The following LDLRAD3 variants were observed in gnomAD, a reference collection of about 807,000 sequenced individuals.
LDLRAD3 encodes the protein low-density lipoprotein receptor class A domain-containing protein 3.
Under a neutral mutation model 29.4 loss-of-function variants are expected in LDLRAD3, and 20 were observed. The ratio of observed to expected loss-of-function variants is 0.68; its 90% CI spans 0.48 to 0.99. LDLRAD3 has a LOEUF of 0.99. LDLRAD3 is among the 50% of genes least tolerant of loss of function. LDLRAD3 has a pLI of 0.00. For synonymous variants in LDLRAD3, 157 were observed against 192.7 expected (o/e 0.81, Z 1.53); for missense variants, 420 against 454.3 (o/e 0.92, Z 0.69).
Position 36,084,292 on chromosome 11 carries a change from C to T in LDLRAD3, c.319+2514C>T, listed in dbSNP as rs1853163857. Among the ~76,000 whole-genome samples, 3 of 152,226 alleles carry T rather than the reference C, an allele frequency of 2.0e-5. No individual in the cohort carries two copies. The South Asian group carries it at 6.2e-4, about 32-fold the overall frequency. On this transcript the variant is annotated intron_variant, in intron 3 of 5. Transcript: ENST00000315571. ...ACTATGCCAATGAGGATTAAGCCAG[C>T]ATCTTCCTCTGACATAGCTACCATT...
chr11:35,984,830 A>C (rs926947733), intron 1 of LDLRAD3, among the ~76,000 whole-genome samples: 14 of 151,534 alleles, frequency 9.2e-5, no homozygotes, highest in African/African-American at 3.4e-4. Flanking sequence ...GGGTTTCTCC[A>C]TGTTGGTCAG....
chr11:36,043,256 G>A (rs914691272), intron 2 of LDLRAD3, among the ~76,000 whole-genome samples: 1 of 152,238 alleles, frequency 6.6e-6, no homozygotes, highest in Non-Finnish European at 1.5e-5. Flanking sequence ...AGGTTGCAGT[G>A]AGCTGAGATT....
chr11:36,069,006 C>T (rs1852847165), intron 2 of LDLRAD3, among the ~76,000 whole-genome samples: 1 of 152,212 alleles, frequency 6.6e-6, no homozygotes, highest in African/African-American at 2.4e-5. Context: ...GTCTGTTGCT[C>T]TTTCACTCCC....
intron 2 of LDLRAD3, among the ~76,000 whole-genome samples, chr11:36,036,460 A>G (rs1023558333): frequency 2.0e-5 from 3 of 152,070 alleles, no homozygotes; most frequent in African/African-American, 7.2e-5. Context: ...GGTGGAGCCA[A>G]CGCTTTGAGA....
intron 2 of LDLRAD3, among the ~76,000 whole-genome samples, chr11:36,058,295 TCA>T: frequency 6.6e-6 from 1 of 152,274 alleles, no homozygotes; most frequent in African/African-American, 2.4e-5. Flanking sequence ...ACTGGAGCAC[TCA>T]CACCACTTCC....
At chr11:36,032,381 T>C (rs1852246330) in intron 1 of LDLRAD3, among the ~76,000 whole-genome samples, 1 of 152,154 alleles carries the variant, frequency 6.6e-6, no homozygotes, top group Admixed American at 6.5e-5. Context: ...CATGCTGGGC[T>C]TTGTAAACTA....
At chr11:36,100,278 C>G (rs930107594) in intron 4 of LDLRAD3, among the ~76,000 whole-genome samples, 1 of 152,182 alleles carries the variant, frequency 6.6e-6, no homozygotes, top group African/African-American at 2.4e-5. Flanking sequence ...TGACTGAACG[C>G]AACGTATTGC....
chr11:35,992,593 A>G (rs1851703963), intron 1 of LDLRAD3, among the ~76,000 whole-genome samples: 1 of 152,246 alleles, frequency 6.6e-6, no homozygotes, highest in African/African-American at 2.4e-5. Flanking sequence ...GAAGCCAGTT[A>G]CAAAAGACCA....
At chr11:35,949,477 C>T (rs991073032) in intron 1 of LDLRAD3, among the ~76,000 whole-genome samples, 1 of 152,088 alleles carries the variant, frequency 6.6e-6, no homozygotes, top group Non-Finnish European at 1.5e-5. Context: ...TTCTTCTGGG[C>T]TCCCCTTTCC....
At chr11:35,975,979 C>A (rs1851470506) in intron 1 of LDLRAD3, among the ~76,000 whole-genome samples, 1 of 151,862 alleles carries the variant, frequency 6.6e-6, no homozygotes. Flanking sequence ...ATAGAAGATA[C>A]CCTGGGCAGG....
intron 2 of LDLRAD3, among the ~76,000 whole-genome samples, chr11:36,065,701 C>T (rs1852779651): frequency 6.6e-6 from 1 of 152,222 alleles, no homozygotes; most frequent in South Asian, 2.1e-4. Context: ...CCTGTTGACA[C>T]ACTCACCTCT....
At chr11:36,111,844 G>A (rs982640506) in intron 4 of LDLRAD3, among the ~76,000 whole-genome samples, 4 of 152,148 alleles carry the variant, frequency 2.6e-5, no homozygotes, top group African/African-American at 9.7e-5. Flanking sequence ...TGATCCACCT[G>A]CCTCGGCCTC....
chr11:36,148,593 G>A (rs916809151), intron 4 of LDLRAD3, among the ~76,000 whole-genome samples: 35 of 152,264 alleles, frequency 2.3e-4, no homozygotes, highest in African/African-American at 7.9e-4. Context: ...GGAGGTTTGG[G>A]TGGGAATCTG....
chr11:36,193,911 A>G (rs1197355460), intron 4 of LDLRAD3, among the ~76,000 whole-genome samples: 1 of 152,064 alleles, frequency 6.6e-6, no homozygotes, highest in African/African-American at 2.4e-5. Context: ...TGGGAATGTT[A>G]TTTTACTTCT....
rs569408033 is a variant in LDLRAD3 at position 35,958,274 on chromosome 11, C to T, written c.46+14130C>T. On this transcript the variant is annotated intron_variant, in intron 1 of 5. Coordinates refer to ENST00000315571, the MANE Select transcript of LDLRAD3 (RefSeq NM_174902.4). Reference sequence around the variant, plus strand: ...CCATGTGGCTGATGGGATTGGATAGCACAGACACAGAGCATTTCTGTCATT... The same window carrying T: ...CCATGTGGCTGATGGGATTGGATAGTACAGACACAGAGCATTTCTGTCATT... 4.6e-5 allele frequency among the ~76,000 whole-genome samples: 7 copies of T among 152,250 alleles called. No individual in the cohort carries two copies. In the South Asian group the frequency reaches 8.3e-4, roughly 18 times the overall value.
At chr11:35,973,776 T>A (rs1166833926) in intron 1 of LDLRAD3, among the ~76,000 whole-genome samples, 1 of 152,128 alleles carries the variant, frequency 6.6e-6, no homozygotes, top group Non-Finnish European at 1.5e-5. Context: ...CAATCACATT[T>A]GTAGTTTTGA....
intron 4 of LDLRAD3, among the ~76,000 whole-genome samples, chr11:36,146,773 C>CTTCATTTTATTTTATTTTAT (rs1854200683): frequency 7.0e-6 from 1 of 143,742 alleles, no homozygotes; most frequent in African/African-American, 2.7e-5. Context: ...TTTCCCTCTA[C>CTTCATTTTATTTTATTTTAT]TTTATTTTAT....
intron 2 of LDLRAD3, among the ~76,000 whole-genome samples, chr11:36,079,366 G>A (rs1359379373): frequency 6.6e-6 from 1 of 151,684 alleles, no homozygotes; most frequent in Non-Finnish European, 1.5e-5. Context: ...TAGTGATGAT[G>A]AGGAGGATGA....
intron 1 of LDLRAD3, among the ~76,000 whole-genome samples, chr11:35,947,021 G>T (rs1026228224): frequency 1.3e-5 from 2 of 152,118 alleles, no homozygotes; most frequent in African/African-American, 4.8e-5. Flanking sequence ...ATTTACTCTG[G>T]GATAAGTGGG....
Sources: allele counts gnomAD v4.1 joint callset (sites outside exome capture counted in the v4.1 genomes callset), GRCh38; gene constraint gnomAD v4.1.1; transcripts MANE v1.5; gene names NCBI Gene and HGNC (gene_info 2026-07-23, HGNC 2026-07-21).